The following GLT8D2 variants were observed in gnomAD, a reference collection of about 807,000 sequenced individuals.
The protein encoded by GLT8D2 is glycosyltransferase 8 domain containing 2, also known as glycosyltransferase 8 domain-containing protein 2.
A neutral mutation model predicts 44.5 loss-of-function variants in GLT8D2; 45 were observed. The ratio of observed to expected loss-of-function variants is 1.01; its 90% confidence interval spans 0.80 to 1.30. The LOEUF is 1.30. GLT8D2 is among the 50% of genes most tolerant of loss of function. GLT8D2 has a pLI of 0.00. For missense variants in GLT8D2, 400 were observed against 430.4 expected (o/e 0.93, Z 0.62); for synonymous variants, 156 against 157.2 (o/e 0.99, Z 0.06).
intron 4 of GLT8D2, chr12:104,012,786 GA>G: frequency 1.4e-6 from 1 of 696,730 alleles, no homozygotes; most frequent in African/African-American, 1.8e-5. Flanking sequence ...AAGTTAAAAT[GA>G]AGCCATTTGG....
upstream of GLT8D2, among the ~76,000 whole-genome samples, chr12:104,053,470 C>T (rs1881891306): frequency 6.6e-6 from 1 of 152,184 alleles, no homozygotes; most frequent in Admixed American, 6.5e-5. Flanking sequence ...CCTCCAGTTT[C>T]CTCATCTGTT....
Position 104,039,162 on chromosome 12 carries a change from T to C in GLT8D2, c.-164+10733A>G, listed in dbSNP as rs564357060. Among the ~76,000 whole-genome samples the C allele has an allele frequency of 2.0e-5, 3 of 152,340 alleles. No individual in the cohort carries two copies. The South Asian group carries it at 6.2e-4, about 32-fold the overall frequency. ...AATTAATTCAAGATGGATTAAAGAC[T>C]TAAATGTTAGACCTAAAACCATAAA... On this transcript the variant is annotated intron_variant, in intron 1 of 10. Coordinates refer to ENST00000360814, the MANE Select transcript of GLT8D2 (RefSeq NM_001384711.1).
rs376768535 is a variant in GLT8D2 at position 104,015,125 on chromosome 12, A to G, written c.20-20T>C. On this transcript the variant is annotated intron_variant, in intron 3 of 10. Transcript: ENST00000360814. ...GATTAACTGAAATAGAAATGGAAACACATTAACATTGAACCTATGAACCTG... is the reference window on the plus strand; with the variant it reads ...GATTAACTGAAATAGAAATGGAAACGCATTAACATTGAACCTATGAACCTG... 11 of 1,572,798 alleles carry G rather than the reference A, an allele frequency of 7.0e-6. No homozygotes were observed. The highest frequency in any genetic ancestry group is 4.0e-5 in the African/African-American group (3 of 74,202).
At chr12:104,043,930 T>C (rs1053886141) in intron 1 of GLT8D2, among the ~76,000 whole-genome samples, 4 of 152,236 alleles carry the variant, frequency 2.6e-5, no homozygotes, top group African/African-American at 7.2e-5. Flanking sequence ...CCTGGCACAT[T>C]AGCCTTTGAC....
intron 1 of GLT8D2, among the ~76,000 whole-genome samples, chr12:104,041,425 A>C (rs1373767818): frequency 1.3e-5 from 2 of 151,286 alleles, no homozygotes; most frequent in African/African-American, 2.4e-5. Flanking sequence ...AAAAAGAAAA[A>C]ATTAGTTGGA....
chr12:104,046,846 A>G (rs548660341), intron 1 of GLT8D2, among the ~76,000 whole-genome samples: 1 of 150,240 alleles, frequency 6.7e-6, no homozygotes, highest in South Asian at 2.1e-4. Context: ...TTTTTTTTTG[A>G]CAGGGTCTTA....
intron 2 of GLT8D2, 58 bp from the exon 3 acceptor site, chr12:104,019,734 C>T (rs1247632171): frequency 9.4e-6 from 11 of 1,166,772 alleles, no homozygotes; most frequent in African/African-American, 1.5e-5. Context: ...AACTCATCAA[C>T]AAGTGTTAAG....
At chr12:104,040,235 T>C (rs761767715) in intron 1 of GLT8D2, among the ~76,000 whole-genome samples, 53 of 152,174 alleles carry the variant, frequency 3.5e-4, no homozygotes, top group Non-Finnish European at 5.9e-4. Flanking sequence ...ACATGGCCCA[T>C]GTATACCTAT....
intron 1 of GLT8D2, among the ~76,000 whole-genome samples, chr12:104,033,616 C>T (rs567897442): frequency 3.9e-5 from 6 of 152,188 alleles, no homozygotes; most frequent in African/African-American, 1.4e-4. Context: ...GTATTGTATA[C>T]TTGAAATCTA....
intron 1 of GLT8D2, among the ~76,000 whole-genome samples, chr12:104,045,146 G>A (rs138445747): frequency 1.3e-4 from 20 of 152,296 alleles, no homozygotes; most frequent in African/African-American, 3.9e-4. Flanking sequence ...AAGAAAAGGC[G>A]AGAGGCTCTT....
chr12:104,045,881 GA>G (rs1443312754), intron 1 of GLT8D2, among the ~76,000 whole-genome samples: 18 of 97,946 alleles, frequency 1.8e-4, no homozygotes, highest in Non-Finnish European at 3.6e-4. Flanking sequence ...AAAAAGAAAA[GA>G]AAAGAAAGAT....
chr12:103,989,666 AAG>A, intron 10 of GLT8D2, 89 bp from the exon 11 acceptor site: 1 of 1,179,576 alleles, frequency 8.5e-7, no homozygotes, highest in Non-Finnish European at 1.2e-6. Flanking sequence ...AGTTTAAAAA[AAG>A]GTAAACAAAT....
chr12:103,996,980 C>T, intron 7 of GLT8D2, 133 bp from the exon 8 acceptor site: 1 of 609,486 alleles, frequency 1.6e-6, no homozygotes, highest in South Asian at 2.2e-5. Flanking sequence ...AGTGGCTTGA[C>T]TATTTATTTA....
intron 3 of GLT8D2, among the ~76,000 whole-genome samples, chr12:104,015,990 C>CCAAAA (rs1300243490): frequency 3.3e-5 from 5 of 152,116 alleles, no homozygotes; most frequent in African/African-American, 9.7e-5. Context: ...GACCTTCCTT[C>CCAAAA]CAAAACAAAA....
At chr12:104,041,926 A>T (rs1399588389) in intron 1 of GLT8D2, among the ~76,000 whole-genome samples, 1 of 152,180 alleles carries the variant, frequency 6.6e-6, no homozygotes, top group African/African-American at 2.4e-5. Context: ...CCAAACCAAG[A>T]TACTCCGTTC....
rs976177243 is a variant in GLT8D2 at position 104,049,912 on chromosome 12, T to C, written c.-181A>G. 1 of 152,278 alleles carries C rather than the reference T, an allele frequency of 6.6e-6. No individual in the cohort carries two copies. The highest frequency in any genetic ancestry group is 2.1e-4 in the South Asian group (1 of 4,828). The allele number at this position is 152,278 out of a possible 1,614,324, so 9.4% of individuals were successfully genotyped here. ...CTATTTACCTGGTGAATGGTGAGGG[T>C]AGGGCTTTGGGCTCCTCGGTCCAGA... On this transcript the variant is annotated 5_prime_UTR_variant, in exon 1 of 11. Coordinates refer to ENST00000360814, the MANE Select transcript of GLT8D2 (RefSeq NM_001384711.1).
rs189319478 is a variant in GLT8D2 at position 104,035,001 on chromosome 12, C to T, written c.-163-13510G>A. 2.7e-3 allele frequency among the ~76,000 whole-genome samples: 406 copies of T among 152,292 alleles called. 3 individuals are homozygous for T. Among genetic ancestry groups the T allele is most frequent in the African/African-American group, 8.3e-3 (345 of 41,550 alleles). ...GCAATATTTGCTGTTCTGCAGCCTC[C>T]GCTGGTGATACCGAGGCAAACAGGG... On this transcript the variant is annotated intron_variant, in intron 1 of 10. Coordinates refer to ENST00000360814, the MANE Select transcript of GLT8D2 (RefSeq NM_001384711.1).
chr12:104,036,563 G>A (rs1829985749), intron 1 of GLT8D2, among the ~76,000 whole-genome samples: 1 of 152,136 alleles, frequency 6.6e-6, no homozygotes, highest in Admixed American at 6.5e-5. Flanking sequence ...AACAGACAAA[G>A]AAGGCCATTA....
At chr12:104,044,944 T>C (rs1032717948) in intron 1 of GLT8D2, among the ~76,000 whole-genome samples, 1 of 152,252 alleles carries the variant, frequency 6.6e-6, no homozygotes, top group Non-Finnish European at 1.5e-5. Context: ...CATATGTACA[T>C]ATATATTTTT....
Sources: gnomAD v4.1 joint callset for allele counts (sites outside exome capture counted in the v4.1 genomes callset) on GRCh38, gnomAD v4.1.1 for gene constraint, MANE v1.5 for transcripts, NCBI Gene and HGNC (gene_info 2026-07-23, HGNC 2026-07-21) for gene names.